DDX3X: variants seen among roughly 807,000 people sequenced by gnomAD.
DDX3X encodes ATP-dependent RNA helicase DDX3X.
DDX3X carries 4 observed loss-of-function variants against 52.7 expected under a neutral mutation model. That is an observed-to-expected ratio of 0.08 (90% CI 0.04 to 0.17). DDX3X has a LOEUF of 0.17. Ranked by LOEUF, DDX3X falls within the 10% of genes least tolerant of loss-of-function variation. DDX3X has a pLI of 1.00. For synonymous variants in DDX3X, 192 were observed against 178.1 expected (o/e 1.08, Z -0.62); for missense variants, 222 against 548.6 (o/e 0.40, Z 5.95).
chrX:41,346,458 TTTG>T (rs2063926352), intron 13 of DDX3X, 44 bp from the exon 14 acceptor site: 4 of 1,191,165 alleles, frequency 3.4e-6, no homozygotes, highest in Non-Finnish European at 4.6e-6. Context: ...TGTTCAAGTA[TTTG>T]TTTTCTTTTA....
intron 5 of DDX3X, chrX:41,364,231 G>A (rs762443817): frequency 1.0e-5 from 3 of 295,017 alleles, no homozygotes; most frequent in African/African-American, 2.7e-5. Flanking sequence ...CCCAAGCAAA[G>A]CCTCACAAGA....
Position 41,346,211 on chromosome X carries a change from A to G in DDX3X, c.1316-18A>G, listed in dbSNP as rs1280160893. 3 of 1,194,061 alleles carry G rather than the reference A, an allele frequency of 2.5e-6. No individual in the cohort carries two copies. The highest frequency in any genetic ancestry group is 2.3e-6 in the Non-Finnish European group (2 of 888,484). On this transcript the variant is annotated intron_variant, in intron 12 of 16. Coordinates refer to ENST00000644876, the MANE Select transcript of DDX3X (RefSeq NM_001356.5). ...TAAGCCATGTTAGTGACAAAAACCTATAATTTTTCAACGACAGGCAAGGAT... is the reference window on the plus strand; with the variant it reads ...TAAGCCATGTTAGTGACAAAAACCTGTAATTTTTCAACGACAGGCAAGGAT...
At chrX:41,334,759 G>C (rs1242832717) in intron 1 of DDX3X, 2 of 966,199 alleles carry the variant, frequency 2.1e-6, no homozygotes, top group Non-Finnish European at 2.6e-6. Context: ...TTGCGTGCCT[G>C]CGAGCAAGGG....
downstream of DDX3X, among the ~76,000 whole-genome samples, chrX:41,354,448 T>G (rs1227127302): frequency 2.0e-5 from 2 of 102,054 alleles, no homozygotes; most frequent in African/African-American, 7.4e-5. Flanking sequence ...CTCAGCCTCC[T>G]GAGTAGCTGG....
At chrX:41,335,639 T>G (rs1159079524) in intron 1 of DDX3X, 1 of 112,045 alleles carries the variant, frequency 8.9e-6, no homozygotes, top group Non-Finnish European at 1.9e-5. Context: ...TCCGGAATAA[T>G]CCTGAGACGA....
At chrX:41,360,490 T>C (rs1297990876) in intron 5 of DDX3X, among the ~76,000 whole-genome samples, 2 of 109,256 alleles carry the variant, frequency 1.8e-5, no homozygotes, top group Non-Finnish European at 3.8e-5. Flanking sequence ...TCGCCCAGGC[T>C]GGAGTGCAGT....
chrX:41,354,344 C>G (rs866303180), downstream of DDX3X, among the ~76,000 whole-genome samples: 4 of 69,962 alleles, frequency 5.7e-5, no homozygotes, highest in Non-Finnish European at 2.4e-5. Context: ...TGTGCTACCT[C>G]TTTTTTTTTT....
In DDX3X at chrX:41,344,077, A is replaced by C; in HGVS notation, c.813A>C (p.Val271=). The change falls in exon 9 of 17, where the codon GTA becomes GTC. Residue 271 remains valine, a synonymous_variant. Coordinates refer to ENST00000644876, the MANE Select transcript of DDX3X (RefSeq NM_001356.5). The part of the protein sequence containing the change: ...GRRKQYPISL[V]LAPTRELAVQ... ...GCAAACAATACCCAATCTCCTTGGT[A>C]TTAGCACCAACGAGAGAGTTGGCAG... 2 of 1,209,316 alleles carry C rather than the reference A, an allele frequency of 1.7e-6. No homozygotes were observed. Among genetic ancestry groups the C allele is most frequent in the African/African-American group, 3.5e-5 (2 of 57,715 alleles).
chrX:41,339,077 A>T lies in DDX3X; in HGVS notation c.145A>T (p.Thr49Ser). The change falls in exon 3 of 17, where the codon ACT becomes TCT. Residue 49 changes from threonine (T) to serine (S), a missense_variant. Around this residue, in one of 5 missense-constraint regions of DDX3X, gnomAD observed 93 missense variants for 123.7 expected, o/e 0.75. Coordinates refer to ENST00000644876, the MANE Select transcript of DDX3X (RefSeq NM_001356.5). Reference sequence around the variant, plus strand: ...TCCTCATTTAAGGAACCGAGAAGCTACTAAAGGTAGGTCCTCACAAGTAAC... The same window carrying T: ...TCCTCATTTAAGGAACCGAGAAGCTTCTAAAGGTAGGTCCTCACAAGTAAC... Reference protein sequence around the residue: ...IPPHLRNREATKGFYDKDSSG... With the variant: ...IPPHLRNREASKGFYDKDSSG... 9.2e-7 allele frequency: 1 copy of T among 1,087,745 alleles called. No homozygotes were observed. The highest frequency in any genetic ancestry group is 1.2e-6 in the Non-Finnish European group (1 of 822,051). 89.6% of individuals were successfully genotyped at this position (1,087,745 alleles called of 1,213,427 possible). A position where few individuals can be genotyped will look rare whatever the true frequency, so the allele number is the denominator to read the frequency against.
At chrX:41,337,641 CCT>C (rs2063790679) in intron 2 of DDX3X, 176 bp downstream of exon 2, 2 of 303,872 alleles carry the variant, frequency 6.6e-6, no homozygotes, top group East Asian at 6.1e-5. Context: ...AGCATCGTTG[CCT>C]TTTTTTTTTT....
At position 41,348,900 on chromosome X, in the gene DDX3X, T is replaced by G. The variant is rs2063958435; in HGVS notation, c.*1181T>G. Reference sequence around the variant, plus strand: ...ATCACACAGGTTGGAAATATGTACATAACTGCACAAGGTGTCAATTCTGCT... The same window carrying G: ...ATCACACAGGTTGGAAATATGTACAGAACTGCACAAGGTGTCAATTCTGCT... On this transcript the variant is annotated 3_prime_UTR_variant, in exon 17 of 17. Transcript: ENST00000644876. The G allele has an allele frequency of 8.9e-6, 1 of 112,688 alleles. No individual in the cohort carries two copies. Among genetic ancestry groups the G allele is most frequent in the African/African-American group, 3.2e-5 (1 of 30,941 alleles). The allele number at this position is 112,688 out of a possible 1,213,427, so 9.3% of individuals were successfully genotyped here. A position where few individuals can be genotyped will look rare whatever the true frequency, so the allele number is the denominator to read the frequency against.
chrX:41,361,009 G>A (rs999245691), intron 5 of DDX3X, among the ~76,000 whole-genome samples: 6 of 108,715 alleles, frequency 5.5e-5, no homozygotes, highest in African/African-American at 2.0e-4. Context: ...CTCCCAAACT[G>A]TTGGAATTAC....
At position 41,346,629 on chromosome X, in the gene DDX3X, A is replaced by G; in HGVS notation, c.1615+7A>G. On this transcript the variant is annotated splice_region_variant and intron_variant, in intron 14 of 16. Transcript: ENST00000644876. ...GGACGTGTAGGAAACCTTGGTAAGT[A>G]TTTGATTACTTGATGGTTTCATTGT... 2.6e-6 allele frequency: 3 copies of G among 1,150,013 alleles called. No homozygotes were observed. The highest frequency in any genetic ancestry group is 3.6e-6 in the Non-Finnish European group (3 of 844,624). The allele number at this position is 1,150,013 out of a possible 1,213,427, so 94.8% of individuals were successfully genotyped here.
chrX:41,341,763 G>C (rs1370013653), intron 4 of DDX3X, 147 bp downstream of exon 4: 1 of 474,216 alleles, frequency 2.1e-6, no homozygotes, highest in Non-Finnish European at 3.4e-6. Flanking sequence ...AATTGAACCT[G>C]TTACTTAGAA....
At chrX:41,341,718 CATTGT>C in intron 4 of DDX3X, 102 bp downstream of exon 4, 1 of 848,454 alleles carries the variant, frequency 1.2e-6, no homozygotes. Context: ...TCTGTTTGGT[CATTGT>C]ATTTTCTTAG....
chrX:41,342,475 T>A lies in DDX3X; in HGVS notation c.285-20T>A. On this transcript the variant is annotated intron_variant, in intron 4 of 16. Transcript: ENST00000644876. ...AATGGTTAAATGATATGATTCTGAT[T>A]AATTGCTTGTGCTGTTCAGGTTTGA... 1.7e-6 allele frequency: 2 copies of A among 1,208,239 alleles called. No homozygotes were observed. The highest frequency in any genetic ancestry group is 1.8e-5 in the South Asian group (1 of 56,839).
At chrX:41,334,439 C>A in intron 1 of DDX3X, 142 bp downstream of exon 1, 1 of 1,121,045 alleles carries the variant, frequency 8.9e-7, no homozygotes. Context: ...TGCCCCGGGG[C>A]TATAGAGGGA....
At position 41,345,397 on chromosome X, in the gene DDX3X, C is replaced by G. The variant is rs767618591; in HGVS notation, c.1171-7C>G. ...TCAGGTAATAATAAAAATTTTTTTT[C>G]TTTCAGATGCTGGCTCGTGATTTCT... On this transcript the variant is annotated splice_region_variant and splice_polypyrimidine_tract_variant and intron_variant, in intron 11 of 16. Transcript: ENST00000644876. 1 of 1,192,831 alleles carries G rather than the reference C, an allele frequency of 8.4e-7. No individual in the cohort carries two copies. Among genetic ancestry groups the G allele is most frequent in the Non-Finnish European group, 1.1e-6 (1 of 890,002 alleles).
downstream of DDX3X, among the ~76,000 whole-genome samples, chrX:41,352,384 G>A (rs140659479): frequency 8.3e-3 from 927 of 111,251 alleles, 10 homozygotes; most frequent in African/African-American, 0.028. Context: ...CCTATCTTTC[G>A]CTGGAGATCC....
Sources: allele counts gnomAD v4.1 joint callset (sites outside exome capture counted in the v4.1 genomes callset), GRCh38; gene constraint gnomAD v4.1.1; regional missense constraint gnomAD v4.1.1; transcripts MANE v1.5; gene names NCBI Gene and HGNC (gene_info 2026-07-23, HGNC 2026-07-21).